Variants in CAMK1D observed in about 807,000 individuals in gnomAD.
The protein encoded by CAMK1D is calcium/calmodulin dependent protein kinase ID, also known as calcium/calmodulin-dependent protein kinase type 1D.
A neutral mutation model predicts 47.7 loss-of-function variants in CAMK1D; 9 were observed. That is an observed-to-expected ratio of 0.19 (90% CI 0.11 to 0.33). The LOEUF is 0.33. CAMK1D is among the 10% of genes least tolerant of loss of function. The pLI is 1.00. For synonymous variants in CAMK1D, 184 were observed against 184.9 expected (o/e 0.99, Z 0.04); for missense variants, 291 against 488.7 (o/e 0.60, Z 3.81).
rs192992386 is a variant in CAMK1D at position 12,558,524 on chromosome 10, A to G, written c.224+5168A>G. On this transcript the variant is annotated intron_variant, in intron 2 of 10. Transcript: ENST00000619168. The stretch of plus-strand genomic sequence containing the variant: ...AACCGAGATCGTGCCGTTGCACTCC[A>G]ACCTGGGTAACAAGAGCAAAACTCC... Among the ~76,000 whole-genome samples the G allele has an allele frequency of 4.1e-3, 619 of 150,680 alleles. 8 individuals are homozygous for G. The highest frequency in any genetic ancestry group is 6.6e-3 in the Non-Finnish European group (450 of 67,698).
chr10:12,521,589 G>A (rs1835417465), intron 1 of CAMK1D, among the ~76,000 whole-genome samples: 1 of 152,138 alleles, frequency 6.6e-6, no homozygotes, highest in Non-Finnish European at 1.5e-5. Context: ...TGAGTAGAGT[G>A]TAAATTAGGT....
chr10:12,369,125 A>G (rs1837935927), intron 1 of CAMK1D, among the ~76,000 whole-genome samples: 1 of 152,112 alleles, frequency 6.6e-6, no homozygotes, highest in African/African-American at 2.4e-5. Context: ...AGGATTTTGG[A>G]CAATTGAGAG....
chr10:12,785,098 C>A (rs1054962920), intron 5 of CAMK1D, among the ~76,000 whole-genome samples: 3 of 152,210 alleles, frequency 2.0e-5, no homozygotes, highest in Non-Finnish European at 4.4e-5. Context: ...CCACTCTCTG[C>A]AGCTCCAAAA....
chr10:12,716,294 T>C (rs1834133003), intron 3 of CAMK1D, among the ~76,000 whole-genome samples: 1 of 152,184 alleles, frequency 6.6e-6, no homozygotes, highest in Non-Finnish European at 1.5e-5. Flanking sequence ...CACCCCTGGC[T>C]TCCACCCACT....
intron 2 of CAMK1D, among the ~76,000 whole-genome samples, chr10:12,580,510 CAT>C (rs1423637948): frequency 2.0e-5 from 3 of 152,062 alleles, no homozygotes; most frequent in Non-Finnish European, 4.4e-5. Flanking sequence ...GAGAGTGAAA[CAT>C]GTACTTTGTA....
chr10:12,812,124 A>G (rs1432562474), intron 6 of CAMK1D, among the ~76,000 whole-genome samples: 1 of 152,180 alleles, frequency 6.6e-6, no homozygotes, highest in Non-Finnish European at 1.5e-5. Flanking sequence ...CACGGGAGGA[A>G]CAGCTGAGGA....
chr10:12,410,083 A>G (rs1309996423), intron 1 of CAMK1D, among the ~76,000 whole-genome samples: 2 of 152,166 alleles, frequency 1.3e-5, no homozygotes, highest in East Asian at 1.9e-4. Flanking sequence ...GATATCACAC[A>G]TTTTGTTTAT....
At chr10:12,577,147 C>T (rs1362903703) in intron 2 of CAMK1D, among the ~76,000 whole-genome samples, 2 of 152,138 alleles carry the variant, frequency 1.3e-5, no homozygotes, top group East Asian at 1.9e-4. Flanking sequence ...GGTCACTCAC[C>T]CATGTATGCT....
intron 1 of CAMK1D, among the ~76,000 whole-genome samples, chr10:12,443,652 C>T (rs765975384): frequency 5.3e-5 from 8 of 151,768 alleles, no homozygotes; most frequent in Non-Finnish European, 8.8e-5. Flanking sequence ...ATTTTTGAGA[C>T]GGAGTCTCGT....
intron 3 of CAMK1D, among the ~76,000 whole-genome samples, chr10:12,749,666 C>A (rs1407875205): frequency 6.6e-6 from 1 of 151,998 alleles, no homozygotes; most frequent in East Asian, 1.9e-4. Flanking sequence ...TCAAGCAATT[C>A]TCCTGCCTCA....
chr10:12,652,533 A>T (rs1840006805), intron 2 of CAMK1D, among the ~76,000 whole-genome samples: 2 of 151,816 alleles, frequency 1.3e-5, no homozygotes, highest in Non-Finnish European at 2.9e-5. Context: ...GCTTGCAGTG[A>T]GCAGAGAGTG....
chr10:12,507,584 C>CT (rs1216971643), intron 1 of CAMK1D, among the ~76,000 whole-genome samples: 1 of 152,050 alleles, frequency 6.6e-6, no homozygotes, highest in Non-Finnish European at 1.5e-5. Context: ...AACTGTGTGC[C>CT]TCTGTGTAGG....
intron 3 of CAMK1D, among the ~76,000 whole-genome samples, chr10:12,714,761 T>TACACACACACAC (rs55827922): frequency 0.013 from 1,654 of 130,514 alleles, 17 homozygotes; most frequent in East Asian, 0.027. Flanking sequence ...TACATTAAAT[T>TACACACACACAC]ACACACACAC....
intron 8 of CAMK1D, among the ~76,000 whole-genome samples, chr10:12,817,748 T>C (rs1056262873): frequency 6.6e-6 from 1 of 152,198 alleles, no homozygotes; most frequent in Non-Finnish European, 1.5e-5. Context: ...TGGAGTGCAG[T>C]GGGGCAGTCT....
At chr10:12,508,902 G>A (rs946122174) in intron 1 of CAMK1D, among the ~76,000 whole-genome samples, 1 of 152,156 alleles carries the variant, frequency 6.6e-6, no homozygotes, top group Non-Finnish European at 1.5e-5. Context: ...TAAGCCACAA[G>A]GACACTCCTG....
In CAMK1D at chr10:12,676,960, C is replaced by A. The variant is rs185341397; in HGVS notation, c.299+10150C>A. On this transcript the variant is annotated intron_variant, in intron 3 of 10. Transcript: ENST00000619168. ...GTTTATTTCTTATATAATTTTTTAC[C>A]AATGTTGTGAGTTTTTTACCAGTGT... Among the ~76,000 whole-genome samples, 81 of 152,114 alleles carry A rather than the reference C, an allele frequency of 5.3e-4. 1 individual carries two copies. The highest frequency in any genetic ancestry group is 5.2e-3 in the Admixed American group (80 of 15,292).
At chr10:12,572,108 G>A (rs1275474785) in intron 2 of CAMK1D, among the ~76,000 whole-genome samples, 2 of 148,868 alleles carry the variant, frequency 1.3e-5, no homozygotes, top group Admixed American at 6.7e-5. Flanking sequence ...CAAATTTTCA[G>A]TTTTGTTGTC....
intron 2 of CAMK1D, among the ~76,000 whole-genome samples, chr10:12,590,148 C>A (rs1166131197): frequency 1.3e-5 from 2 of 152,176 alleles, no homozygotes; most frequent in African/African-American, 2.4e-5. Flanking sequence ...TACTTTATTT[C>A]TTGCTGCGGA....
chr10:12,547,682 T>TCTCTCTCACACACACACA (rs10643491), intron 1 of CAMK1D, among the ~76,000 whole-genome samples: 4 of 116,506 alleles, frequency 3.4e-5, no homozygotes, highest in Non-Finnish European at 6.6e-5. Context: ...TTTCTCTCTC[T>TCTCTCTCACACACACACA]CACACACACA....
Sources: allele counts gnomAD v4.1 joint callset (sites outside exome capture counted in the v4.1 genomes callset), GRCh38; gene constraint gnomAD v4.1.1; transcripts MANE v1.5; gene names NCBI Gene and HGNC (gene_info 2026-07-23, HGNC 2026-07-21).